Variants in MEI1 observed in about 807,000 individuals in gnomAD.
MEI1 encodes the protein meiotic double-stranded break formation protein 1.
A neutral mutation model predicts 146.2 loss-of-function variants in MEI1; 103 were observed. The observed-to-expected ratio is 0.70, with a 90% CI of 0.60 to 0.83. MEI1 has a LOEUF of 0.83. Ranked by LOEUF, MEI1 falls within the 40% of genes least tolerant of loss-of-function variation. The pLI, the probability that MEI1 is intolerant of heterozygous loss-of-function variation, is 0.00. For missense variants in MEI1, 1,529 were observed against 1,533.0 expected, an observed-to-expected ratio of 1.00 and a Z score of 0.04; for synonymous variants, 652 against 628.2, an observed-to-expected ratio of 1.04 and a Z score of -0.57.
chr22:41,763,189 A>AT lies in MEI1; in HGVS notation c.2136_2137insT (p.Glu713Ter). 1.2e-6 allele frequency: 2 copies of AT among 1,613,942 alleles called. No individual in the cohort carries two copies. Among genetic ancestry groups the AT allele is most frequent in the South Asian group, 2.2e-5 (2 of 91,074 alleles). Reference sequence around the variant, plus strand: ...TGGTTGACAGGTTTGTCTCAGAGGCAGAGTTATTTGAGGCTGTGCAAAGCT... The same window carrying AT: ...TGGTTGACAGGTTTGTCTCAGAGGCATGAGTTATTTGAGGCTGTGCAAAGCT... On this transcript the variant is annotated frameshift_variant, in exon 19 of 31. Transcript: ENST00000401548. LOFTEE classifies it high-confidence loss of function.
At chr22:41,765,961 G>T (rs1466994698) in intron 19 of MEI1, among the ~76,000 whole-genome samples, 1 of 146,726 alleles carries the variant, frequency 6.8e-6, no homozygotes, top group African/African-American at 2.6e-5. Flanking sequence ...CGTGATCTCG[G>T]CTCACTGCAA....
chr22:41,736,337 C>T (rs377255595), intron 11 of MEI1, among the ~76,000 whole-genome samples: 1 of 151,186 alleles, frequency 6.6e-6, no homozygotes, highest in African/African-American at 2.4e-5. Flanking sequence ...GCAAGTTGTG[C>T]CTCCCGGGTT....
At chr22:41,759,931 T>C (rs971130846) in intron 18 of MEI1, among the ~76,000 whole-genome samples, 1 of 152,170 alleles carries the variant, frequency 6.6e-6, no homozygotes, top group Non-Finnish European at 1.5e-5. Context: ...CCCAGCACTT[T>C]GGGAGGCCGA....
At chr22:41,744,025 C>T (rs892537597) in intron 12 of MEI1, among the ~76,000 whole-genome samples, 3 of 151,748 alleles carry the variant, frequency 2.0e-5, no homozygotes, top group Non-Finnish European at 4.4e-5. Context: ...TACAGGCATG[C>T]ACCACCACAC....
intron 24 of MEI1, among the ~76,000 whole-genome samples, chr22:41,784,101 G>A (rs1410047459): frequency 1.3e-5 from 2 of 152,222 alleles, no homozygotes; most frequent in Admixed American, 6.5e-5. Flanking sequence ...TGATGGAGGA[G>A]GCCAGTGAGG....
intron 11 of MEI1, among the ~76,000 whole-genome samples, chr22:41,733,842 G>C (rs1260393718): frequency 1.3e-5 from 2 of 151,848 alleles, no homozygotes; most frequent in Non-Finnish European, 2.9e-5. Context: ...AAGTATACTG[G>C]AGGACCACGT....
At position 41,743,073 on chromosome 22, in the gene MEI1, G is replaced by A. The variant is rs781418767; in HGVS notation, c.1332-7G>A. Reference sequence around the variant, plus strand: ...CCGTGAACCTGCTTTTGTCTCTCTGGATGCAGGAAGGACCATCAGAGCACT... The same window carrying A: ...CCGTGAACCTGCTTTTGTCTCTCTGAATGCAGGAAGGACCATCAGAGCACT... On this transcript the variant is annotated splice_polypyrimidine_tract_variant and splice_region_variant and intron_variant, in intron 11 of 30. Coordinates refer to ENST00000401548, the MANE Select transcript of MEI1 (RefSeq NM_152513.4). The A allele has an allele frequency of 6.2e-7, 1 of 1,601,670 alleles. No individual in the cohort carries two copies. Among genetic ancestry groups the A allele is most frequent in the Non-Finnish European group, 8.5e-7 (1 of 1,170,322 alleles).
chr22:41,769,918 T>A (rs1241431025), intron 19 of MEI1, among the ~76,000 whole-genome samples: 2 of 151,578 alleles, frequency 1.3e-5, no homozygotes, highest in African/African-American at 4.8e-5. Context: ...GCAGATCACC[T>A]GAGGTCAGGG....
At chr22:41,701,627 A>C (rs2068730192) in intron 1 of MEI1, among the ~76,000 whole-genome samples, 1 of 152,182 alleles carries the variant, frequency 6.6e-6, no homozygotes, top group African/African-American at 2.4e-5. Context: ...GGAAATTCTG[A>C]GGCTGCTTTT....
intron 2 of MEI1, 100 bp downstream of exon 2, chr22:41,703,554 T>C (rs987774476): frequency 2.0e-5 from 23 of 1,139,948 alleles, no homozygotes; most frequent in Middle Eastern, 2.2e-4. Context: ...TTTAGGTTTT[T>C]TGTATTGTAA....
chr22:41,724,941 C>T (rs1370357427), intron 7 of MEI1, among the ~76,000 whole-genome samples: 1 of 151,588 alleles, frequency 6.6e-6, no homozygotes, highest in Non-Finnish European at 1.5e-5. Context: ...GTAGCTGAGA[C>T]TACAGGTGTT....
chr22:41,785,658 G>A (rs1016060178), intron 26 of MEI1, among the ~76,000 whole-genome samples: 33 of 151,440 alleles, frequency 2.2e-4, no homozygotes, highest in African/African-American at 8.0e-4. Flanking sequence ...CCGCCTCCCA[G>A]GTTCAAGTGA....
intron 26 of MEI1, among the ~76,000 whole-genome samples, chr22:41,792,362 A>G (rs28545434): frequency 6.6e-6 from 1 of 152,214 alleles, no homozygotes; most frequent in Non-Finnish European, 1.5e-5. Context: ...CTAGAGTCAC[A>G]GGAATCTGTG....
intron 11 of MEI1, among the ~76,000 whole-genome samples, chr22:41,740,338 CTTTAA>C (rs2072755708): frequency 6.6e-6 from 1 of 151,710 alleles, no homozygotes; most frequent in South Asian, 2.1e-4. Context: ...TTACTTTTGA[CTTTAA>C]CTTCCCAGAA....
chr22:41,708,025 GT>G (rs2069230980), intron 3 of MEI1, among the ~76,000 whole-genome samples: 1 of 152,184 alleles, frequency 6.6e-6, no homozygotes, highest in Non-Finnish European at 1.5e-5. Flanking sequence ...CTAACAAGAT[GT>G]AACTATCCTT....
At chr22:41,774,917 C>T (rs2148085530) in intron 20 of MEI1, among the ~76,000 whole-genome samples, 1 of 152,312 alleles carries the variant, frequency 6.6e-6, no homozygotes, top group South Asian at 2.1e-4. Context: ...TCTCCTTCTG[C>T]CCAGTGATCA....
At chr22:41,736,064 C>T (rs1057154009) in intron 11 of MEI1, among the ~76,000 whole-genome samples, 1 of 152,048 alleles carries the variant, frequency 6.6e-6, no homozygotes, top group Non-Finnish European at 1.5e-5. Context: ...GGCCACACTC[C>T]CTTTGGAGCT....
chr22:41,762,247 T>C (rs1406779388), intron 18 of MEI1, among the ~76,000 whole-genome samples: 1 of 152,044 alleles, frequency 6.6e-6, no homozygotes, highest in Non-Finnish European at 1.5e-5. Context: ...TTTCTTTCTT[T>C]CTTCCTTTCC....
At chr22:41,722,879 G>T (rs1467240282) in intron 6 of MEI1, among the ~76,000 whole-genome samples, 1 of 152,066 alleles carries the variant, frequency 6.6e-6, no homozygotes, top group Admixed American at 6.6e-5. Context: ...ACACTTTGGT[G>T]ACTTACCATG....
Sources: gnomAD v4.1 joint callset for allele counts (sites outside exome capture counted in the v4.1 genomes callset) on GRCh38, gnomAD v4.1.1 for gene constraint, MANE v1.5 for transcripts, NCBI Gene and HGNC (gene_info 2026-07-23, HGNC 2026-07-21) for gene names.